Variants in TMEM127 observed in about 807,000 individuals in gnomAD.
TMEM127 encodes transmembrane protein 127.
In TMEM127, 21 loss-of-function variants were observed where a neutral mutation model predicts 20.1. The ratio of observed to expected loss-of-function variants is 1.04; its 90% CI spans 0.74 to 1.50. The LOEUF is 1.50. Ranked by LOEUF, TMEM127 falls within the 40% of genes most tolerant of loss-of-function variation. TMEM127 has a pLI of 0.00. For missense variants in TMEM127, 303 were observed against 317.4 expected, an observed-to-expected ratio of 0.95 and a Z score of 0.34; for synonymous variants, 150 against 144.7, an observed-to-expected ratio of 1.04 and a Z score of -0.26.
chr2:96,265,160 A>G lies in TMEM127; in HGVS notation c.222T>C (p.Tyr74=), dbSNP rs2104307270. Reference sequence around the variant, plus strand: ...CACCTTTCAGCAGGTCCGGGTGCACATAGCCCAACACGTCGGAGACCCCCA... The same window carrying G: ...CACCTTTCAGCAGGTCCGGGTGCACGTAGCCCAACACGTCGGAGACCCCCA... ...QELGVSDVLG[Y]VHPDLLKDFC... Residue 74 remains tyrosine, a synonymous_variant, in exon 2 of 4, where the codon TAT becomes TAC. Coordinates refer to ENST00000258439, the MANE Select transcript of TMEM127 (RefSeq NM_017849.4). 1 of 1,611,746 alleles carries G rather than the reference A, an allele frequency of 6.2e-7. No homozygotes were observed. The highest frequency in any genetic ancestry group is 8.5e-7 in the Non-Finnish European group (1 of 1,179,642).
chr2:96,253,342 G>C lies in TMEM127; in HGVS notation c.*466C>G, dbSNP rs537363365. On this transcript the variant is annotated 3_prime_UTR_variant, in exon 4 of 4. Coordinates refer to ENST00000258439, the MANE Select transcript of TMEM127 (RefSeq NM_017849.4). This position sits in a 1 kb window ranked among gnomAD's most constrained non-coding sequence, Gnocchi z 4.3. Reference sequence around the variant, plus strand: ...CCTGGGGGCGGGTCACTCCGAGAAGGAAGGGGTCTGGGGGGCGTCAGCCCA... The same window carrying C: ...CCTGGGGGCGGGTCACTCCGAGAAGCAAGGGGTCTGGGGGGCGTCAGCCCA... The C allele has an allele frequency of 3.7e-5, 9 of 244,468 alleles. No individual in the cohort carries two copies. Among genetic ancestry groups the C allele is most frequent in the Admixed American group, 2.5e-4 (5 of 19,620 alleles). The allele number at this position is 244,468 out of a possible 1,614,324, so 15.1% of individuals were successfully genotyped here.
chr2:96,252,394 T>C lies in TMEM127; in HGVS notation c.*1414A>G, dbSNP rs1313747733. ...ACTTAACAAGGACAGGTTGGCCATC[T>C]GGATCTACACTGAAGGTCTTTCAAG... is the stretch of plus-strand genomic sequence containing the variant. On this transcript the variant is annotated 3_prime_UTR_variant, in exon 4 of 4. Coordinates refer to ENST00000258439, the MANE Select transcript of TMEM127 (RefSeq NM_017849.4). This position sits in a 1 kb window ranked among gnomAD's most constrained non-coding sequence, Gnocchi z 4.2. The C allele has an allele frequency of 2.9e-5, 6 of 208,656 alleles. No homozygotes were observed. Among genetic ancestry groups the C allele is most frequent in the Non-Finnish European group, 5.6e-5 (6 of 107,524 alleles). 12.9% of individuals were successfully genotyped at this position (208,656 alleles called of 1,614,324 possible).
At position 96,265,458 on chromosome 2, in the gene TMEM127, G is replaced by C. The variant is rs1684401628; in HGVS notation, c.-77C>G. On this transcript the variant is annotated 5_prime_UTR_variant, in exon 2 of 4. Coordinates refer to ENST00000258439, the MANE Select transcript of TMEM127 (RefSeq NM_017849.4). Reference sequence around the variant, plus strand: ...TCCGCGGGGCGCGCAGAGCCTGACAGTCCGGTGGAGGATAGCAACGCTCCG... The same window carrying C: ...TCCGCGGGGCGCGCAGAGCCTGACACTCCGGTGGAGGATAGCAACGCTCCG... 7 of 1,292,326 alleles carry C rather than the reference G, an allele frequency of 5.4e-6. No homozygotes were observed. The highest frequency in any genetic ancestry group is 6.8e-6 in the Non-Finnish European group (7 of 1,026,608). 80.1% of individuals were successfully genotyped at this position (1,292,326 alleles called of 1,614,324 possible).
rs761101636 is a variant in TMEM127, at chr2:96,254,983, G to C, written c.259C>G (p.Pro87Ala). Residue 87 changes from proline to alanine, a missense_variant, in exon 3 of 4, where the codon CCC becomes GCC. Pro to Ala is a conservative substitution (Grantham distance 27). Transcript: ENST00000258439. ...ACCCGCAGGAGCAGCACTGTCTGGG[G>C]ATTCATGCAGAAATCTGTAGAGGGA... ...PDLLKDFCMNPQTVLLLRVIA... is the reference protein window; with the variant it reads ...PDLLKDFCMNAQTVLLLRVIA... 5 of 1,614,210 alleles carry C rather than the reference G, an allele frequency of 3.1e-6. No individual in the cohort carries two copies. Among genetic ancestry groups the C allele is most frequent in the African/African-American group, 2.7e-5 (2 of 75,064 alleles).
At position 96,249,864 on chromosome 2, in the gene TMEM127, C is replaced by T. The variant is rs1174912271; in HGVS notation, c.*3944G>A. The T allele has an allele frequency of 1.3e-5, 3 of 233,242 alleles. No homozygotes were observed. Among genetic ancestry groups the T allele is most frequent in the African/African-American group, 6.6e-5 (3 of 45,348 alleles). 14.4% of individuals were successfully genotyped at this position (233,242 alleles called of 1,614,324 possible). A position where few individuals can be genotyped will look rare whatever the true frequency, so the allele number is the denominator to read the frequency against. On this transcript the variant is annotated 3_prime_UTR_variant, in exon 4 of 4. Coordinates refer to ENST00000258439, the MANE Select transcript of TMEM127 (RefSeq NM_017849.4). Reference sequence around the variant, plus strand: ...CCCTGCCCCAGATGCACCACCTCTTCCTGTGTCCCAGGGTCCTCTCCTTGC... The same window carrying T: ...CCCTGCCCCAGATGCACCACCTCTTTCTGTGTCCCAGGGTCCTCTCCTTGC...
intron 2 of TMEM127, among the ~76,000 whole-genome samples, chr2:96,258,175 C>T (rs1409899909): frequency 6.6e-6 from 1 of 152,100 alleles, no homozygotes; most frequent in Non-Finnish European, 1.5e-5. Flanking sequence ...CCAGAGAGTC[C>T]GAGTTCTAGG....
intron 2 of TMEM127, among the ~76,000 whole-genome samples, chr2:96,262,653 G>A (rs1390307952): frequency 6.6e-6 from 1 of 152,230 alleles, no homozygotes; most frequent in Non-Finnish European, 1.5e-5. Flanking sequence ...AAGAAAACAT[G>A]CTTTGCAAAA....
At position 96,249,321 on chromosome 2, in the gene TMEM127, C is replaced by T. The variant is rs554160463; in HGVS notation, c.*4487G>A. 3 of 208,862 alleles carry T rather than the reference C, an allele frequency of 1.4e-5. No individual in the cohort carries two copies. Among genetic ancestry groups the T allele is most frequent in the Middle Eastern group, 1.6e-3 (1 of 632 alleles). The allele number at this position is 208,862 out of a possible 1,614,324, so 12.9% of individuals were successfully genotyped here. Reference sequence around the variant, plus strand: ...CCATGTTGGCCAGAATGGTCTCGATCTCCTGACCTTGTGATCCACCCACCT... The same window carrying T: ...CCATGTTGGCCAGAATGGTCTCGATTTCCTGACCTTGTGATCCACCCACCT... On this transcript the variant is annotated 3_prime_UTR_variant, in exon 4 of 4. Coordinates refer to ENST00000258439, the MANE Select transcript of TMEM127 (RefSeq NM_017849.4).
intron 2 of TMEM127, among the ~76,000 whole-genome samples, chr2:96,258,490 T>C (rs904056442): frequency 7.2e-5 from 11 of 152,198 alleles, no homozygotes; most frequent in African/African-American, 2.4e-4. Flanking sequence ...ACAAGGCTCA[T>C]ACACCTCTGT....
rs1684384664 is a variant in TMEM127 at position 96,265,061 on chromosome 2, C to T, written c.244+77G>A. On this transcript the variant is annotated intron_variant, in intron 2 of 3. Transcript: ENST00000258439. ...GTTTCCTTCAACCAAGTGTCTGGTC[C>T]CTGGCTATCTCTGCTTCAGCCAGAA... 3 of 1,588,858 alleles carry T rather than the reference C, an allele frequency of 1.9e-6. No homozygotes were observed. The South Asian group carries it at 3.4e-5, about 18-fold the overall frequency.
In TMEM127 at chr2:96,250,160, CCCTT is replaced by C; in HGVS notation, c.*3644_*3647del. Reference sequence around the variant, plus strand: ...GTCATTAAAATAAGGTTGCATCCCTCCCTTCCCTTCTGAAAATCCTTCCTGGGCT... The same window carrying C: ...GTCATTAAAATAAGGTTGCATCCCTCCCCTTCTGAAAATCCTTCCTGGGCT... On this transcript the variant is annotated 3_prime_UTR_variant, in exon 4 of 4. Transcript: ENST00000258439. 4.3e-6 allele frequency: 1 copy of C among 233,558 alleles called. No individual in the cohort carries two copies. Among genetic ancestry groups the C allele is most frequent in the Non-Finnish European group, 8.5e-6 (1 of 118,142 alleles). 14.5% of individuals were successfully genotyped at this position (233,558 alleles called of 1,614,324 possible). A position where few individuals can be genotyped will look rare whatever the true frequency, so the allele number is the denominator to read the frequency against.
chr2:96,253,651 G>A lies in TMEM127; in HGVS notation c.*157C>T. ...TCCGGTTCTGAGAGCAGGGATACTT[G>A]GATGACCCTAAAGGCAGAGTCTCTC... On this transcript the variant is annotated 3_prime_UTR_variant, in exon 4 of 4. Transcript: ENST00000258439. The surrounding 1 kb of genome is among the most constrained non-coding windows in gnomAD (Gnocchi z 4.3). 1.3e-6 allele frequency: 1 copy of A among 773,550 alleles called. No homozygotes were observed. Among genetic ancestry groups the A allele is most frequent in the Non-Finnish European group, 2.0e-6 (1 of 492,414 alleles). 47.9% of individuals were successfully genotyped at this position (773,550 alleles called of 1,614,324 possible).
Position 96,249,744 on chromosome 2 carries a change from C to G in TMEM127, c.*4064G>C. The G allele has an allele frequency of 4.3e-6, 1 of 233,196 alleles. No individual in the cohort carries two copies. The highest frequency in any genetic ancestry group is 8.5e-6 in the Non-Finnish European group (1 of 117,982). 14.4% of individuals were successfully genotyped at this position (233,196 alleles called of 1,614,324 possible). ...GTTTGTCAGTTCCCTTCTGTCTCCC[C>G]ATAGCATCTGTGTTCCATTAGTGTA... is the stretch of plus-strand genomic sequence containing the variant. On this transcript the variant is annotated 3_prime_UTR_variant, in exon 4 of 4. Transcript: ENST00000258439.
In TMEM127 at chr2:96,252,296, T is replaced by TA. The variant is rs1240235466; in HGVS notation, c.*1511dup. 4.3e-6 allele frequency: 1 copy of TA among 232,972 alleles called. No homozygotes were observed. The highest frequency in any genetic ancestry group is 8.5e-6 in the Non-Finnish European group (1 of 117,864). The allele number at this position is 232,972 out of a possible 1,614,324, so 14.4% of individuals were successfully genotyped here. On this transcript the variant is annotated 3_prime_UTR_variant, in exon 4 of 4. Transcript: ENST00000258439. This position sits in a 1 kb window ranked among gnomAD's most constrained non-coding sequence, Gnocchi z 4.2. ...GTCTTGCTCAAACTATCTATCACCT[T>TA]AAAGGTTGGAAGAGATTGGAATCCA...
Position 96,250,844 on chromosome 2 carries a change from A to C in TMEM127, c.*2964T>G. The stretch of plus-strand genomic sequence containing the variant: ...GATTCATTACCTATGGTTTCAAAGA[A>C]AGTGCAGTTTCTAGGGAGTGAAGGA... On this transcript the variant is annotated 3_prime_UTR_variant, in exon 4 of 4. Transcript: ENST00000258439. 8.6e-6 allele frequency: 2 copies of C among 231,810 alleles called. 1 individual carries two copies. The highest frequency in any genetic ancestry group is 1.7e-5 in the Non-Finnish European group (2 of 117,182). The allele number at this position is 231,810 out of a possible 1,614,324, so 14.4% of individuals were successfully genotyped here. A position where few individuals can be genotyped will look rare whatever the true frequency, so the allele number is the denominator to read the frequency against.
rs756680897 is a variant in TMEM127 at position 96,254,849 on chromosome 2, G to A, written c.393C>T (p.Phe131=). The A allele has an allele frequency of 2.9e-5, 47 of 1,614,036 alleles. 1 individual carries two copies. In the South Asian group the frequency reaches 3.1e-4, roughly 11 times the overall value. Residue 131 remains phenylalanine, a synonymous_variant, in exon 3 of 4, where the codon TTC becomes TTT. Coordinates refer to ENST00000258439, the MANE Select transcript of TMEM127 (RefSeq NM_017849.4). ...ACGGCTTACCCGTTAGGATATGGGC[G>A]AAGGCATAGCGACGAGTGATCTTCA... ...PALKITRRYA[F]AHILTVLQCA...
rs547640500 is a variant in TMEM127, at chr2:96,250,502, C to G, written c.*3306G>C. 8.6e-6 allele frequency: 2 copies of G among 232,718 alleles called. No individual in the cohort carries two copies. Among genetic ancestry groups the G allele is most frequent in the Admixed American group, 5.6e-5 (1 of 17,764 alleles). 14.4% of individuals were successfully genotyped at this position (232,718 alleles called of 1,614,324 possible). A position where few individuals can be genotyped will look rare whatever the true frequency, so the allele number is the denominator to read the frequency against. On this transcript the variant is annotated 3_prime_UTR_variant, in exon 4 of 4. Transcript: ENST00000258439. ...AAATCCTTGCAGACAGGGTCCTGTC[C>G]GTCACTGTATATTTCATGGTGCCTA...
chr2:96,250,350 C>G lies in TMEM127; in HGVS notation c.*3458G>C, dbSNP rs1243685952. 2 of 232,812 alleles carry G rather than the reference C, an allele frequency of 8.6e-6. No homozygotes were observed. Among genetic ancestry groups the G allele is most frequent in the Admixed American group, 1.1e-4 (2 of 17,766 alleles). 14.4% of individuals were successfully genotyped at this position (232,812 alleles called of 1,614,324 possible). On this transcript the variant is annotated 3_prime_UTR_variant, in exon 4 of 4. Coordinates refer to ENST00000258439, the MANE Select transcript of TMEM127 (RefSeq NM_017849.4). ...TCAAGTGTGGCTCAAGCTGCGTCCT[C>G]CAGGAAGCCTTTCATTATCACTCAG... is the stretch of plus-strand genomic sequence containing the variant.
intron 2 of TMEM127, among the ~76,000 whole-genome samples, chr2:96,258,432 C>A (rs899874286): frequency 1.3e-5 from 2 of 152,216 alleles, no homozygotes; most frequent in South Asian, 2.1e-4. Context: ...AGCACGCATA[C>A]CCTGCCTCAG....
Sources: gnomAD v4.1 joint callset for allele counts (sites outside exome capture counted in the v4.1 genomes callset) on GRCh38, gnomAD v4.1.1 for gene constraint, Gnocchi (gnomAD v3.1) non-coding constraint, MANE v1.5 for transcripts, NCBI Gene and HGNC (gene_info 2026-07-23, HGNC 2026-07-21) for gene names.